Variants in QNG1 observed in about 807,000 individuals in gnomAD.
QNG1 encodes queuosine 5'-phosphate N-glycosylase/hydrolase.
At chr9:83,953,667 TA>T in the QNG1 span, 4 of 681,290 alleles carry the variant, frequency 5.9e-6, no homozygotes, top group African/African-American at 1.9e-5. Context: ...TTTTTTCTTT[TA>T]TTTTTTTGAG....
chr9:83,947,001 G>A, the QNG1 span, among the ~76,000 whole-genome samples: 1 of 152,018 alleles, frequency 6.6e-6, no homozygotes, highest in Non-Finnish European at 1.5e-5. Context: ...AGCCTGTGAG[G>A]TAGAGGCTGC....
chr9:83,948,513 G>GC, the QNG1 span, among the ~76,000 whole-genome samples: 1 of 117,394 alleles, frequency 8.5e-6, no homozygotes, highest in African/African-American at 2.7e-5. Flanking sequence ...CTGTCCGGGA[G>GC]GGGGGGGGCG....
At chr9:83,955,402 G>C in the QNG1 span, 1 of 1,614,102 alleles carries the variant, frequency 6.2e-7, no homozygotes, top group Non-Finnish European at 8.5e-7. Context: ...TCACATCTCT[G>C]TAAGAAGGAA....
the QNG1 span, chr9:83,939,519 A>G: frequency 6.2e-7 from 1 of 1,609,850 alleles, no homozygotes; most frequent in East Asian, 2.2e-5. Flanking sequence ...GGTCAATAAT[A>G]TATGCAACGT....
the QNG1 span, among the ~76,000 whole-genome samples, chr9:83,953,386 C>T: frequency 1.1e-4 from 17 of 148,222 alleles, no homozygotes; most frequent in East Asian, 2.2e-3. Context: ...TTGCTCTTGT[C>T]GTCCAGGCTG....
At chr9:83,944,747 G>C in the QNG1 span, 1 of 1,426,386 alleles carries the variant, frequency 7.0e-7, no homozygotes. Context: ...ACTAAACCGA[G>C]ATCCAACAAT....
At chr9:83,944,703 T>C in the QNG1 span, 1 of 997,770 alleles carries the variant, frequency 1.0e-6, no homozygotes, top group East Asian at 2.5e-5. Context: ...ATAGTACTTT[T>C]TTTTTAAAGC....
At chr9:83,948,701 C>T in the QNG1 span, among the ~76,000 whole-genome samples, 262 of 147,540 alleles carry the variant, frequency 1.8e-3, no homozygotes, top group African/African-American at 6.3e-3. Context: ...TTACTGTGTC[C>T]GTGTAGAAAG....
the QNG1 span, among the ~76,000 whole-genome samples, chr9:83,940,480 A>G: frequency 2.0e-5 from 3 of 152,066 alleles, no homozygotes; most frequent in Admixed American, 2.0e-4. Context: ...TATTTTGGGA[A>G]TATCTGATCC....
chr9:83,952,959 C>CAA, the QNG1 span, among the ~76,000 whole-genome samples: 2 of 80,670 alleles, frequency 2.5e-5, no homozygotes, highest in Non-Finnish European at 2.6e-5. Context: ...GACTCTGTCT[C>CAA]AAAAAAAAAA....
the QNG1 span, chr9:83,955,740 G>T: frequency 8.8e-7 from 1 of 1,137,672 alleles, no homozygotes. Flanking sequence ...CCAAATGAGT[G>T]GTATAGGAAT....
the QNG1 span, among the ~76,000 whole-genome samples, chr9:83,940,530 G>C: frequency 9.5e-4 from 144 of 152,220 alleles, no homozygotes; most frequent in Admixed American, 3.7e-3. Flanking sequence ...ACTGAGACTA[G>C]AGTAGGACTC....
the QNG1 span, among the ~76,000 whole-genome samples, chr9:83,944,401 G>A: frequency 6.6e-6 from 1 of 152,142 alleles, no homozygotes; most frequent in Non-Finnish European, 1.5e-5. Flanking sequence ...GCAGACCTTG[G>A]AGTCTCTTCA....
chr9:83,940,040 C>G, the QNG1 span, among the ~76,000 whole-genome samples: 1 of 152,056 alleles, frequency 6.6e-6, no homozygotes, highest in South Asian at 2.1e-4. Flanking sequence ...TAAGTGGTAA[C>G]CATAAATTTA....
chr9:83,953,810 GT>G, the QNG1 span: 12 of 1,549,070 alleles, frequency 7.7e-6, no homozygotes, highest in Non-Finnish European at 8.7e-6. Context: ...GCCTGTGAGG[GT>G]CCAACAAAAT....
chr9:83,955,473 T>C, the QNG1 span: 1 of 1,614,144 alleles, frequency 6.2e-7, no homozygotes. Flanking sequence ...CGGACGCAGT[T>C]GAGAAAAGAG....
the QNG1 span, among the ~76,000 whole-genome samples, chr9:83,951,722 T>A: frequency 6.6e-6 from 1 of 152,222 alleles, no homozygotes; most frequent in African/African-American, 2.4e-5. Flanking sequence ...TGCATTACTC[T>A]AAATCAGAGT....
the QNG1 span, among the ~76,000 whole-genome samples, chr9:83,954,243 C>G: frequency 6.6e-6 from 1 of 151,832 alleles, no homozygotes; most frequent in African/African-American, 2.4e-5. Context: ...GATCTTCAAC[C>G]AATAAAGTAA....
chr9:83,956,249 C>T, the QNG1 span: 1 of 1,614,124 alleles, frequency 6.2e-7, no homozygotes. Flanking sequence ...CACACTTGTG[C>T]TCGTCCTGCT....
Sources: allele counts gnomAD v4.1 joint callset (sites outside exome capture counted in the v4.1 genomes callset), GRCh38; gene constraint gnomAD v4.1.1; transcripts MANE v1.5; gene names NCBI Gene and HGNC (gene_info 2026-07-23, HGNC 2026-07-21).